The following NCOR2 variants were observed in gnomAD, a reference collection of about 807,000 sequenced individuals.
NCOR2 encodes the protein nuclear receptor corepressor 2, also known as CTG repeat protein 26.
Under a neutral mutation model 262.9 loss-of-function variants are expected in NCOR2, and 81 were observed. The observed-to-expected ratio is 0.31, with a 90% CI of 0.26 to 0.37. The LOEUF is 0.37. NCOR2 is among the 10% of genes least tolerant of loss of function. The pLI, the probability that NCOR2 is intolerant of heterozygous loss-of-function variation, is 1.00. For missense variants in NCOR2, 3,385 were observed against 3,621.4 expected (o/e 0.93, Z 1.68); for synonymous variants, 1,659 against 1,559.3 (o/e 1.06, Z -1.51).
In NCOR2 at chr12:124,531,857, G is replaced by T. The variant is rs1291935276; in HGVS notation, c.-118+3708C>A. ...CCCACACCGGACCCCTCACCCCAATGTATAGACAATCCCAGACACCCACCT... is the reference window on the plus strand; with the variant it reads ...CCCACACCGGACCCCTCACCCCAATTTATAGACAATCCCAGACACCCACCT... On this transcript the variant is annotated intron_variant, in intron 1 of 46. Coordinates refer to the NCOR2 transcript ENST00000404621. The surrounding 1 kb of genome is among the most constrained non-coding windows in gnomAD (Gnocchi z 4.5). 7.2e-6 allele frequency among the ~76,000 whole-genome samples: 1 copy of T among 138,670 alleles called. No homozygotes were observed. Among genetic ancestry groups the T allele is most frequent in the Non-Finnish European group, 1.5e-5 (1 of 65,186 alleles). The allele number at this position is 138,670 out of a possible 152,430, so 91.0% of individuals were successfully genotyped here. A position where few individuals can be genotyped will look rare whatever the true frequency, so the allele number is the denominator to read the frequency against.
At position 124,437,795 on chromosome 12, in the gene NCOR2, T is replaced by C. The variant is rs866373504; in HGVS notation, c.882+135A>G. 5.2e-5 allele frequency: 30 copies of C among 577,302 alleles called. No individual in the cohort carries two copies. In the Middle Eastern group the frequency reaches 5.9e-3, roughly 114 times the overall value. The allele number at this position is 577,302 out of a possible 1,614,324, so 35.8% of individuals were successfully genotyped here. A position where few individuals can be genotyped will look rare whatever the true frequency, so the allele number is the denominator to read the frequency against. The stretch of plus-strand genomic sequence containing the variant: ...TCCTCCTTTCCTGGCCGGCCTTGGC[T>C]TTTCCTCCGCAGCCTGGACACTCAG... On this transcript the variant is annotated intron_variant, in intron 8 of 46. Transcript: ENST00000405201.
At chr12:124,329,484 C>CA (rs2034994410) in intron 44 of NCOR2, among the ~76,000 whole-genome samples, 1 of 151,402 alleles carries the variant, frequency 6.6e-6, no homozygotes, top group African/African-American at 2.4e-5. Flanking sequence ...CAAACAAACA[C>CA]AAAAAACAAA....
At position 124,549,868 on chromosome 12, in the gene NCOR2, T is replaced by C. The variant is rs1418358878; in HGVS notation, c.-164-14257A>G. Among the ~76,000 whole-genome samples, 1 of 152,102 alleles carries C rather than the reference T, an allele frequency of 6.6e-6. No homozygotes were observed. On this transcript the variant is annotated intron_variant, in intron 1 of 32. Transcript: ENST00000458234. This position sits in a 1 kb window ranked among gnomAD's most constrained non-coding sequence, Gnocchi z 4.4. ...GGGTGGATGGGCAGAGTGTCACGCC[T>C]GCCTAGGGGAAGTACACGCTAGGTA... is the stretch of plus-strand genomic sequence containing the variant.
In NCOR2 at chr12:124,543,446, G is replaced by A. The variant is rs1272829527; in HGVS notation, c.-164-7835C>T. Reference sequence around the variant, plus strand: ...CAGGGGTGGGGAAACAGACCCACACGGGGTTACCTGCCCCAGGTCACACAG... The same window carrying A: ...CAGGGGTGGGGAAACAGACCCACACAGGGTTACCTGCCCCAGGTCACACAG... On this transcript the variant is annotated intron_variant, in intron 1 of 32. Coordinates refer to the NCOR2 transcript ENST00000458234. 5.9e-5 allele frequency among the ~76,000 whole-genome samples: 9 copies of A among 152,350 alleles called. No individual in the cohort carries two copies. The East Asian group carries it at 1.2e-3, about 20-fold the overall frequency.
At chr12:124,519,139 C>A (rs1188990843) in intron 1 of NCOR2, among the ~76,000 whole-genome samples, 1 of 151,282 alleles carries the variant, frequency 6.6e-6, no homozygotes, top group Non-Finnish European at 1.5e-5. Flanking sequence ...CACAGGCCAA[C>A]AATGATGGCT....
At chr12:124,551,899 C>T (rs2051725733) in intron 1 of NCOR2, among the ~76,000 whole-genome samples, 1 of 152,174 alleles carries the variant, frequency 6.6e-6, no homozygotes, top group Admixed American at 6.5e-5. Context: ...CAAGAGCCCA[C>T]ATGGGAGACC....
chr12:124,439,380 G>A (rs2044674118), intron 7 of NCOR2, among the ~76,000 whole-genome samples: 1 of 150,032 alleles, frequency 6.7e-6, no homozygotes, highest in Non-Finnish European at 1.5e-5. Flanking sequence ...GACAGAGGGA[G>A]ACAGAGACCC....
At chr12:124,404,274 C>T (rs1312046614) in intron 13 of NCOR2, among the ~76,000 whole-genome samples, 1 of 152,168 alleles carries the variant, frequency 6.6e-6, no homozygotes, top group Admixed American at 6.5e-5. Context: ...GCATGGATGC[C>T]GTCTCCCCGG....
chr12:124,484,503 G>A (rs536299076), intron 2 of NCOR2, among the ~76,000 whole-genome samples: 8 of 152,318 alleles, frequency 5.3e-5, no homozygotes, highest in Middle Eastern at 3.4e-3. Flanking sequence ...GCCTGAATAT[G>A]GGCCTTGCTG....
intron 3 of NCOR2, among the ~76,000 whole-genome samples, chr12:124,478,992 C>T (rs1023004583): frequency 1.4e-4 from 22 of 152,100 alleles, no homozygotes; most frequent in Non-Finnish European, 2.9e-4. Flanking sequence ...CACAGAGCAA[C>T]GGTAAGGGAC....
At chr12:124,499,327 G>A (rs1036906174), upstream of NCOR2, among the ~76,000 whole-genome samples, 28 of 152,188 alleles carry the variant, frequency 1.8e-4, no homozygotes, top group African/African-American at 3.9e-4. Context: ...AAGGGTGGGC[G>A]GCATTCATTT....
chr12:124,363,844 T>C, intron 20 of NCOR2, 45 bp from the exon 23 acceptor site: 1 of 1,299,066 alleles, frequency 7.7e-7, no homozygotes, highest in South Asian at 2.8e-5. Context: ...ACAGCCGGAC[T>C]CTCCCAGGGT....
At chr12:124,456,903 C>G (rs979876894) in intron 6 of NCOR2, among the ~76,000 whole-genome samples, 17 of 151,274 alleles carry the variant, frequency 1.1e-4, no homozygotes, top group African/African-American at 4.1e-4. Context: ...TCCCCACCCC[C>G]ACCCAGCCCA....
At position 124,378,366 on chromosome 12, in the gene NCOR2, G is replaced by A. The variant is rs745945465; in HGVS notation, c.2038C>T (p.Arg680Trp). 3.7e-6 allele frequency: 6 copies of A among 1,612,848 alleles called. No individual in the cohort carries two copies. The highest frequency in any genetic ancestry group is 1.1e-5 in the South Asian group (1 of 91,008). ...GCCGGCGCTTTCTTCTTCTTCCTCC[G>A]CGCGTTCCTCTCCTTCTCCTGGGGC... Residue 680 changes from arginine to tryptophan, a missense_variant, in exon 18 of 47, where the codon CGG becomes TGG. Around this residue, in one of 5 missense-constraint regions of NCOR2, gnomAD observed 515 missense variants for 781.2 expected, o/e 0.66. Transcript: ENST00000405201. This position sits in a 1 kb window ranked among gnomAD's most constrained non-coding sequence, Gnocchi z 4.2.
At chr12:124,505,026 T>C (rs908921003) in intron 1 of NCOR2, among the ~76,000 whole-genome samples, 4 of 152,220 alleles carry the variant, frequency 2.6e-5, no homozygotes, top group African/African-American at 9.6e-5. Flanking sequence ...AAATGGTATA[T>C]TTTGTACGTA....
chr12:124,566,033 A>G lies in NCOR2; in HGVS notation c.-165+1275T>C, dbSNP rs1414711888. On this transcript the variant is annotated intron_variant, in intron 1 of 32. Transcript: ENST00000458234. This position sits in a 1 kb window ranked among gnomAD's most constrained non-coding sequence, Gnocchi z 4.3. Reference sequence around the variant, plus strand: ...GCCGCAAGGACCCAGATCTGGCTGAAAAGGGGCAAAGTCAAGGCCACCGGT... The same window carrying G: ...GCCGCAAGGACCCAGATCTGGCTGAGAAGGGGCAAAGTCAAGGCCACCGGT... Among the ~76,000 whole-genome samples, 1 of 152,106 alleles carries G rather than the reference A, an allele frequency of 6.6e-6. No individual in the cohort carries two copies. Among genetic ancestry groups the G allele is most frequent in the African/African-American group, 2.4e-5 (1 of 41,408 alleles).
At chr12:124,550,337 A>G (rs1332038843) in intron 1 of NCOR2, among the ~76,000 whole-genome samples, 1 of 151,876 alleles carries the variant, frequency 6.6e-6, no homozygotes, top group African/African-American at 2.4e-5. Flanking sequence ...AATGGAAGGA[A>G]GGCAGAGGCG....
At chr12:124,341,988 C>T (rs756170062) in exon 34 of NCOR2, 34 of 1,613,214 alleles carry the variant, frequency 2.1e-5, no homozygotes, top group African/African-American at 4.0e-5. Flanking sequence ...GCCGCCGTGT[C>T]GGGGTAGCCG....
At position 124,501,048 on chromosome 12, in the gene NCOR2, G is replaced by GCACA. The variant is rs1555232664; in HGVS notation, c.-117-5681_-117-5680insTGTG. Reference sequence around the variant, plus strand: ...GGCAGAGAGCGCCCACGGCACGAGCGCGCGCGCACGCGCGCACACACACAC... The same window carrying GCACA: ...GGCAGAGAGCGCCCACGGCACGAGCGCACACGCGCGCACGCGCGCACACACACAC... On this transcript the variant is annotated intron_variant, in intron 1 of 46. Coordinates refer to the NCOR2 transcript ENST00000404621. Among the ~76,000 whole-genome samples the GCACA allele has an allele frequency of 6.1e-4, 31 of 51,154 alleles. 1 individual carries two copies. The South Asian group carries it at 0.013, about 21-fold the overall frequency. 33.6% of individuals were successfully genotyped at this position (51,154 alleles called of 152,430 possible). A position where few individuals can be genotyped will look rare whatever the true frequency, so the allele number is the denominator to read the frequency against.
Sources: allele counts gnomAD v4.1 joint callset (sites outside exome capture counted in the v4.1 genomes callset), GRCh38; gene constraint gnomAD v4.1.1; regional missense constraint gnomAD v4.1.1; non-coding constraint Gnocchi (gnomAD v3.1); transcripts MANE v1.5; gene names NCBI Gene and HGNC (gene_info 2026-07-23, HGNC 2026-07-21).